Variants in ZFYVE16 observed in about 807,000 individuals in gnomAD.
ZFYVE16 encodes zinc finger FYVE-type containing 16.
A neutral mutation model predicts 138.1 loss-of-function variants in ZFYVE16; 89 were observed. The ratio of observed to expected loss-of-function variants is 0.64; its 90% confidence interval spans 0.54 to 0.77. ZFYVE16 has a LOEUF of 0.77. Among genes scored for constraint, ZFYVE16 ranks in the 30% least tolerant of loss-of-function variants. The probability of loss-of-function intolerance (pLI) is 0.00; values close to 1 mark genes in which losing one functional copy is unlikely to be tolerated. For missense variants in ZFYVE16, 1,793 were observed against 1,786.7 expected (o/e 1.00, Z -0.06); for synonymous variants, 596 against 618.3 (o/e 0.96, Z 0.53).
chr5:80,427,610 C>CTTTTTTTTTTTTTTTTTTTTTTTTTTTT, intron 2 of ZFYVE16, 65 bp downstream of exon 2: 6 of 50,000 alleles, frequency 1.2e-4, no homozygotes, highest in Admixed American at 3.2e-4. Context: ...CTGTCGTATG[C>CTTTTTTTTTTTTTTTTTTTTTTTTTTTT]TTTTTTTTTT....
At chr5:80,475,205 C>T (rs1178212087) in intron 18 of ZFYVE16, among the ~76,000 whole-genome samples, 1 of 152,196 alleles carries the variant, frequency 6.6e-6, no homozygotes, top group African/African-American at 2.4e-5. Context: ...TTGATGAACC[C>T]TTCTCCATGA....
At chr5:80,472,726 G>A in intron 15 of ZFYVE16, 35 bp from the exon 16 acceptor site, 1 of 1,599,334 alleles carries the variant, frequency 6.3e-7, no homozygotes, top group Non-Finnish European at 8.5e-7. Context: ...ATTGGTATTT[G>A]GCAAAAGAAA....
intron 2 of ZFYVE16, 60 bp from the exon 3 acceptor site, chr5:80,434,049 A>G (rs887189100): frequency 7.1e-6 from 8 of 1,125,494 alleles, no homozygotes; most frequent in Non-Finnish European, 1.0e-5. Context: ...GGCATGGAAT[A>G]CATGGCATAA....
intron 17 of ZFYVE16, 113 bp from the exon 18 acceptor site, chr5:80,474,550 C>G (rs1414260728): frequency 1.8e-6 from 2 of 1,088,122 alleles, no homozygotes; most frequent in Non-Finnish European, 2.6e-6. Flanking sequence ...ATTCTCACAA[C>G]TAATGCTTTT....
Position 80,436,866 on chromosome 5 carries a change from G to C in ZFYVE16, c.181G>C (p.Glu61Gln). 6.2e-7 allele frequency: 1 copy of C among 1,614,130 alleles called. No homozygotes were observed. The highest frequency in any genetic ancestry group is 1.7e-5 in the Admixed American group (1 of 60,016). ...QRTSLLPKDQ[E>Q]CVNSCASSET... ...AACTTCATTGCTCCCAAAAGACCAA[G>C]AGTGCGTTAATAGTTGTGCCTCATC... is the stretch of plus-strand genomic sequence containing the variant. The change falls in exon 4 of 19, where the codon GAG (glutamate) becomes CAG (glutamine). Residue 61 changes from glutamate (E) to glutamine (Q), a missense_variant. Around this residue, in one of 2 missense-constraint regions of ZFYVE16, gnomAD observed 1,295 missense variants for 1,204.3 expected, o/e 1.08. Transcript: ENST00000505560.
At chr5:80,464,653 A>G (rs936644578) in intron 15 of ZFYVE16, among the ~76,000 whole-genome samples, 1 of 152,122 alleles carries the variant, frequency 6.6e-6, no homozygotes, top group Admixed American at 6.6e-5. Flanking sequence ...ATGTCCCCTC[A>G]TGAATTGCTG....
intron 15 of ZFYVE16, among the ~76,000 whole-genome samples, chr5:80,463,085 T>C (rs902640309): frequency 6.6e-6 from 1 of 152,236 alleles, no homozygotes; most frequent in Non-Finnish European, 1.5e-5. Flanking sequence ...TTGGTGGATC[T>C]ACCATTCTGG....
rs938865606 is a variant in ZFYVE16 at position 80,424,131 on chromosome 5, G to A, written c.-93-3361G>A. On this transcript the variant is annotated intron_variant, in intron 1 of 18. Transcript: ENST00000505560. The stretch of plus-strand genomic sequence containing the variant: ...CAGCTAATTTTTGTATTTTTTAGTA[G>A]AGACGGGGTTTCACCATGTTAGCCA... Among the ~76,000 whole-genome samples, 13 of 151,914 alleles carry A rather than the reference G, an allele frequency of 8.6e-5. No homozygotes were observed. The South Asian group carries it at 1.2e-3, about 15-fold the overall frequency.
rs1314241775 is a variant in ZFYVE16 at position 80,483,271 on chromosome 5, T to C, written c.*5894T>C. On this transcript the variant is annotated 3_prime_UTR_variant, in exon 19 of 19. Coordinates refer to ENST00000505560, the MANE Select transcript of ZFYVE16 (RefSeq NM_001284236.3). ...GGAAGTTCATGGGGAAGGAAAATGA[T>C]TGCAAAGAAGGAAGAGCAACCAAAA... is the stretch of plus-strand genomic sequence containing the variant. 6.6e-6 allele frequency: 1 copy of C among 152,152 alleles called. No homozygotes were observed. Among genetic ancestry groups the C allele is most frequent in the Non-Finnish European group, 1.5e-5 (1 of 68,032 alleles). 9.4% of individuals were successfully genotyped at this position (152,152 alleles called of 1,614,324 possible).
chr5:80,440,796 C>A, intron 5 of ZFYVE16: 1 of 984,646 alleles, frequency 1.0e-6, no homozygotes, highest in Non-Finnish European at 1.2e-6. Flanking sequence ...GCAAATATTA[C>A]TTGGGCCTTT....
At chr5:80,468,050 G>A (rs970829277) in intron 15 of ZFYVE16, among the ~76,000 whole-genome samples, 2 of 152,112 alleles carry the variant, frequency 1.3e-5, no homozygotes, top group Non-Finnish European at 2.9e-5. Flanking sequence ...GGAGGTTGAT[G>A]GCACCCATAT....
At chr5:80,464,159 C>T (rs1753435460) in intron 15 of ZFYVE16, among the ~76,000 whole-genome samples, 1 of 152,138 alleles carries the variant, frequency 6.6e-6, no homozygotes, top group Non-Finnish European at 1.5e-5. Context: ...ACCCCACTCT[C>T]TGGGGTGTCA....
chr5:80,476,177 CAT>C (rs1754891141), intron 18 of ZFYVE16, among the ~76,000 whole-genome samples: 1 of 152,188 alleles, frequency 6.6e-6, no homozygotes, highest in Non-Finnish European at 1.5e-5. Flanking sequence ...CTCTTGACCT[CAT>C]GTGATCTGTG....
chr5:80,414,627 T>G (rs1420276860), intron 1 of ZFYVE16, among the ~76,000 whole-genome samples: 1 of 152,194 alleles, frequency 6.6e-6, no homozygotes, highest in African/African-American at 2.4e-5. Flanking sequence ...ATTGAGCACA[T>G]TTTATGTGCC....
chr5:80,425,270 T>C (rs1747828077), intron 1 of ZFYVE16, among the ~76,000 whole-genome samples: 1 of 152,234 alleles, frequency 6.6e-6, no homozygotes, highest in East Asian at 1.9e-4. Context: ...CAGATAGGTC[T>C]TCGATGTCAT....
chr5:80,475,475 C>G (rs1458181106), intron 18 of ZFYVE16, among the ~76,000 whole-genome samples: 1 of 152,144 alleles, frequency 6.6e-6, no homozygotes, highest in East Asian at 1.9e-4. Context: ...TGTTGACATC[C>G]AACCCATCAG....
intron 7 of ZFYVE16, 149 bp downstream of exon 7, chr5:80,445,554 G>T: frequency 1.4e-6 from 1 of 702,930 alleles, no homozygotes; most frequent in Non-Finnish European, 2.2e-6. Flanking sequence ...ATATATTTTA[G>T]ATTTTACCCC....
intron 15 of ZFYVE16, among the ~76,000 whole-genome samples, chr5:80,462,133 C>T (rs1039924000): frequency 6.6e-6 from 1 of 152,172 alleles, no homozygotes; most frequent in Admixed American, 6.5e-5. Context: ...CAATTCTGTC[C>T]ATACATTTGG....
At chr5:80,453,879 A>G (rs370919535) in intron 11 of ZFYVE16, 2 of 152,268 alleles carry the variant, frequency 1.3e-5, no homozygotes, top group African/African-American at 4.8e-5. Flanking sequence ...TTTGAATACC[A>G]TTAAATGTTC....
Sources: gnomAD v4.1 joint callset for allele counts (sites outside exome capture counted in the v4.1 genomes callset) on GRCh38, gnomAD v4.1.1 for gene constraint, gnomAD v4.1.1 regional missense constraint, MANE v1.5 for transcripts, NCBI Gene and HGNC (gene_info 2026-07-23, HGNC 2026-07-21) for gene names.